IGHMBP2: variants seen among roughly 807,000 people sequenced by gnomAD.
IGHMBP2 encodes the protein immunoglobulin mu DNA binding protein 2, also known as DNA-binding protein SMUBP-2.
In IGHMBP2, 81 loss-of-function variants were observed where a neutral mutation model predicts 96.0. The ratio of observed to expected loss-of-function variants is 0.84; its 90% CI spans 0.71 to 1.01. The LOEUF is 1.01. IGHMBP2 is among the 50% of genes least tolerant of loss of function. The pLI, the probability that IGHMBP2 is intolerant of heterozygous loss-of-function variation, is 0.00. For missense variants in IGHMBP2, 1,227 were observed against 1,306.3 expected (o/e 0.94, Z 0.94); for synonymous variants, 557 against 548.9 (o/e 1.01, Z -0.21).
At position 68,908,231 on chromosome 11, in the gene IGHMBP2, A is replaced by G; in HGVS notation, c.343A>G (p.Thr115Ala). ...GACCCGGGTCACCCAGAAGTCGGTC[A>G]CGGTGGCCTTTGATGAGTCCCACGA... ...ILTRVTQKSV[T>A]VAFDESHDFQ... The change falls in exon 3 of 15, where the codon ACG (threonine) becomes GCG (alanine). Residue 115 changes from threonine (T) to alanine (A), a missense_variant. Thr to Ala is a moderately conservative substitution (Grantham distance 58). Coordinates refer to ENST00000255078, the MANE Select transcript of IGHMBP2 (RefSeq NM_002180.3). 1 of 1,614,146 alleles carries G rather than the reference A, an allele frequency of 6.2e-7. No homozygotes were observed. The highest frequency in any genetic ancestry group is 8.5e-7 in the Non-Finnish European group (1 of 1,180,008).
chr11:68,922,586 G>A (rs1038498080), intron 7 of IGHMBP2, among the ~76,000 whole-genome samples: 7 of 152,024 alleles, frequency 4.6e-5, no homozygotes, highest in African/African-American at 1.4e-4. Context: ...AGTAGAGACG[G>A]GGTTTCACCA....
intron 2 of IGHMBP2, among the ~76,000 whole-genome samples, chr11:68,906,792 G>A (rs1053313876): frequency 4.6e-5 from 7 of 151,672 alleles, no homozygotes; most frequent in Non-Finnish European, 8.8e-5. Context: ...AGAGGCATGC[G>A]CCACCGTGCC....
chr11:68,925,403 C>T (rs1283019590), intron 7 of IGHMBP2, among the ~76,000 whole-genome samples: 2 of 152,084 alleles, frequency 1.3e-5, no homozygotes, highest in Non-Finnish European at 2.9e-5. Context: ...CCCACCTTGG[C>T]CTCCCAAAGT....
intron 4 of IGHMBP2, among the ~76,000 whole-genome samples, chr11:68,910,324 A>G (rs1171038554): frequency 6.6e-6 from 1 of 152,300 alleles, no homozygotes; most frequent in South Asian, 2.1e-4. Flanking sequence ...TCACAAACTG[A>G]ATTAGAAATG....
Position 68,936,943 on chromosome 11 carries a change from G to A in IGHMBP2, c.2463G>A (p.Glu821=). ...CGCAGACAGAGCAGCCTCCCAGGGA[G>A]CAGCGTGGCCCAGACCAGCCTGATC... ...TPAQTEQPPR[E]QRGPDQPDLR... The change falls in exon 13 of 15, where the codon GAG becomes GAA. Residue 821 remains glutamate, a synonymous_variant. Coordinates refer to ENST00000255078, the MANE Select transcript of IGHMBP2 (RefSeq NM_002180.3). 6.2e-7 allele frequency: 1 copy of A among 1,604,034 alleles called. No homozygotes were observed. Among genetic ancestry groups the A allele is most frequent in the Non-Finnish European group, 8.5e-7 (1 of 1,175,814 alleles).
intron 5 of IGHMBP2, among the ~76,000 whole-genome samples, chr11:68,913,043 CAAA>C (rs71043469): frequency 5.3e-5 from 2 of 37,464 alleles, no homozygotes. Context: ...ACTCCATCTC[CAAA>C]AAAAAAAAAA....
At position 68,940,061 on chromosome 11, in the gene IGHMBP2, T is replaced by C. The variant is rs959073816; in HGVS notation, c.*330T>C. ...CAGTCCCTGGAGAATACCCAGGGCC[T>C]CAAACTTGAAGTCACTCCTCCAATG... is the stretch of plus-strand genomic sequence containing the variant. On this transcript the variant is annotated 3_prime_UTR_variant, in exon 15 of 15. Coordinates refer to ENST00000255078, the MANE Select transcript of IGHMBP2 (RefSeq NM_002180.3). 1 of 352,806 alleles carries C rather than the reference T, an allele frequency of 2.8e-6. No individual in the cohort carries two copies. The highest frequency in any genetic ancestry group is 5.2e-6 in the Non-Finnish European group (1 of 191,030). 21.9% of individuals were successfully genotyped at this position (352,806 alleles called of 1,614,324 possible). A position where few individuals can be genotyped will look rare whatever the true frequency, so the allele number is the denominator to read the frequency against.
chr11:68,929,558 C>T (rs1380854975), intron 8 of IGHMBP2, among the ~76,000 whole-genome samples: 1 of 152,206 alleles, frequency 6.6e-6, no homozygotes, highest in Non-Finnish European at 1.5e-5. Context: ...GGTGGGGTCG[C>T]ATCACCTTCA....
chr11:68,915,576 G>A (rs1175665414), intron 6 of IGHMBP2, among the ~76,000 whole-genome samples: 3 of 151,712 alleles, frequency 2.0e-5, no homozygotes, highest in South Asian at 2.1e-4. Flanking sequence ...TCCGCCTCCC[G>A]GGGTCAAGTG....
At chr11:68,916,855 G>A (rs924993900) in intron 6 of IGHMBP2, among the ~76,000 whole-genome samples, 1 of 151,768 alleles carries the variant, frequency 6.6e-6, no homozygotes, top group Non-Finnish European at 1.5e-5. Context: ...ATTTCCTGTT[G>A]AAATTGGTGC....
chr11:68,919,761 A>G (rs1367080032), intron 7 of IGHMBP2, among the ~76,000 whole-genome samples: 3 of 152,222 alleles, frequency 2.0e-5, no homozygotes, highest in African/African-American at 7.2e-5. Context: ...CTGGGGTCAT[A>G]AATGTGGGGC....
chr11:68,929,383 C>T (rs1196843552), intron 8 of IGHMBP2, 26 bp downstream of exon 8: 5 of 1,602,790 alleles, frequency 3.1e-6, no homozygotes, highest in Admixed American at 1.7e-5. Context: ...CTCACATGCC[C>T]TTCTCTGCCC....
chr11:68,936,285 C>T lies in IGHMBP2; in HGVS notation c.1805C>T (p.Thr602Ile), dbSNP rs779182888. Residue 602 changes from threonine to isoleucine, a missense_variant, in exon 13 of 15, where the codon ACC (threonine) becomes ATC (isoleucine). By Grantham distance (89) the Thr-to-Ile change is moderately conservative. This residue lies in a region of IGHMBP2 where 703 missense variants were observed against 770.3 expected (regional missense o/e 0.91). Transcript: ENST00000255078. ...AEDRRINVAV[T>I]RARRHVAVIC... is the part of the protein sequence containing the mutation. ...GACCGGAGGATCAACGTGGCTGTCA[C>T]CCGTGCCCGACGCCACGTGGCGGTC... 2.5e-6 allele frequency: 4 copies of T among 1,614,182 alleles called. No individual in the cohort carries two copies. Among genetic ancestry groups the T allele is most frequent in the South Asian group, 1.1e-5 (1 of 91,082 alleles).
intron 8 of IGHMBP2, chr11:68,929,752 A>G: frequency 1.0e-6 from 1 of 985,406 alleles, no homozygotes; most frequent in Non-Finnish European, 1.2e-6. Context: ...CTGTAGACAC[A>G]TCCCTGGATG....
chr11:68,917,050 G>A (rs1858702069), intron 6 of IGHMBP2, among the ~76,000 whole-genome samples: 2 of 137,230 alleles, frequency 1.5e-5, no homozygotes, highest in Admixed American at 8.0e-5. Context: ...GTGCAATCTC[G>A]GCTCACTGCA....
Position 68,936,749 on chromosome 11 carries a change from C to T in IGHMBP2, c.2269C>T (p.Arg757Trp), listed in dbSNP as rs775660007. The T allele has an allele frequency of 2.3e-5, 37 of 1,613,910 alleles. No individual in the cohort carries two copies. The South Asian group carries it at 3.4e-4, about 15-fold the overall frequency. ...TTCCCTCAATTCCCACGACAGGCTG[C>T]GGGTCCACCAAATAGCCGAGGAGCA... ...PPSLNSHDRLRVHQIAEEHGL... is the reference protein window; with the variant it reads ...PPSLNSHDRLWVHQIAEEHGL... The change falls in exon 13 of 15, where the codon CGG (arginine) becomes TGG (tryptophan). Residue 757 changes from arginine to tryptophan, a missense_variant. By Grantham distance (101) the Arg-to-Trp change is moderately radical (BLOSUM62 -3). Around this residue, in one of 3 missense-constraint regions of IGHMBP2, gnomAD observed 703 missense variants for 770.3 expected, o/e 0.91. Coordinates refer to ENST00000255078, the MANE Select transcript of IGHMBP2 (RefSeq NM_002180.3).
Position 68,940,022 on chromosome 11 carries a change from C to A in IGHMBP2, c.*291C>A. On this transcript the variant is annotated 3_prime_UTR_variant, in exon 15 of 15. Transcript: ENST00000255078. ...AAAACCCACATCCCAGCCTCTGGAT[C>A]CTGGGGAAGGTTCCAGTCCCTGGAG... is the stretch of plus-strand genomic sequence containing the variant. 1 of 461,050 alleles carries A rather than the reference C, an allele frequency of 2.2e-6. No individual in the cohort carries two copies. The highest frequency in any genetic ancestry group is 3.9e-6 in the Non-Finnish European group (1 of 255,310). The allele number at this position is 461,050 out of a possible 1,614,324, so 28.6% of individuals were successfully genotyped here. A position where few individuals can be genotyped will look rare whatever the true frequency, so the allele number is the denominator to read the frequency against.
rs1230137055 is a variant in IGHMBP2, at chr11:68,940,091, G to A, written c.*360G>A. ...CTTGAAGTCACTCCTCCAATGTCTG[G>A]GACTTGCCAGCTCAGCCCGTTAGGA... On this transcript the variant is annotated 3_prime_UTR_variant, in exon 15 of 15. Coordinates refer to ENST00000255078, the MANE Select transcript of IGHMBP2 (RefSeq NM_002180.3). 3.6e-6 allele frequency: 1 copy of A among 275,120 alleles called. No homozygotes were observed. The highest frequency in any genetic ancestry group is 2.2e-5 in the African/African-American group (1 of 45,582). 17.0% of individuals were successfully genotyped at this position (275,120 alleles called of 1,614,324 possible).
intron 12 of IGHMBP2, among the ~76,000 whole-genome samples, chr11:68,935,750 G>T (rs1859501877): frequency 6.6e-6 from 1 of 152,252 alleles, no homozygotes; most frequent in Non-Finnish European, 1.5e-5. Context: ...CGGAGCCGCG[G>T]GGTGTGGTGG....
Sources: allele counts gnomAD v4.1 joint callset (sites outside exome capture counted in the v4.1 genomes callset), GRCh38; gene constraint gnomAD v4.1.1; regional missense constraint gnomAD v4.1.1; transcripts MANE v1.5; gene names NCBI Gene and HGNC (gene_info 2026-07-23, HGNC 2026-07-21).